MAF: variants seen among roughly 807,000 people sequenced by gnomAD.
MAF encodes transcription factor Maf.
MAF carries 10 observed loss-of-function variants against 22.0 expected under a neutral mutation model. The ratio of observed to expected loss-of-function variants is 0.45; its 90% CI spans 0.28 to 0.77. MAF has a LOEUF of 0.77. Among genes scored for constraint, MAF ranks in the 30% least tolerant of loss-of-function variants. The pLI is 0.12. For missense variants in MAF, 544 were observed against 548.4 expected (o/e 0.99, Z 0.08); for synonymous variants, 337 against 255.8 (o/e 1.32, Z -3.03).
At chr16:79,566,473 G>A in the MAF span, among the ~76,000 whole-genome samples, 3 of 152,204 alleles carry the variant, frequency 2.0e-5, no homozygotes, top group African/African-American at 7.2e-5. Context: ...CTTCTGGGAA[G>A]GAAGGGCCCA....
the MAF span, among the ~76,000 whole-genome samples, chr16:79,387,251 T>C: frequency 2.6e-5 from 4 of 152,338 alleles, no homozygotes; most frequent in Admixed American, 6.5e-5. Context: ...CATTTGCATT[T>C]GGTTGTTTAT....
chr16:79,268,190 G>A, the MAF span, among the ~76,000 whole-genome samples: 1 of 152,058 alleles, frequency 6.6e-6, no homozygotes, highest in African/African-American at 2.4e-5. Flanking sequence ...GAGCTTCCCA[G>A]CCCTGGGGTT....
chr16:79,568,577 T>C, the MAF span, among the ~76,000 whole-genome samples: 2 of 152,194 alleles, frequency 1.3e-5, no homozygotes, highest in African/African-American at 4.8e-5. Context: ...GGTTTTTTAG[T>C]GGCCACATGC....
chr16:79,469,201 C>G, the MAF span, among the ~76,000 whole-genome samples: 1 of 152,170 alleles, frequency 6.6e-6, no homozygotes, highest in South Asian at 2.1e-4. Context: ...CATGACCGTT[C>G]ATTTACATTG....
chr16:79,540,407 G>A, the MAF span, among the ~76,000 whole-genome samples: 3 of 152,164 alleles, frequency 2.0e-5, no homozygotes, highest in South Asian at 2.1e-4. Context: ...TGATTCCAAC[G>A]CTTCAACCAC....
chr16:79,268,756 A>G, the MAF span, among the ~76,000 whole-genome samples: 4 of 152,216 alleles, frequency 2.6e-5, no homozygotes, highest in Admixed American at 6.5e-5. Context: ...AGAGGACCCC[A>G]ATCCTGAGAA....
At chr16:79,542,378 G>A in the MAF span, among the ~76,000 whole-genome samples, 11 of 152,164 alleles carry the variant, frequency 7.2e-5, no homozygotes, top group African/African-American at 2.4e-4. Flanking sequence ...CACGTGGTGA[G>A]TAAGTGCCTG....
At chr16:79,214,269 C>G in the MAF span, among the ~76,000 whole-genome samples, 3 of 152,188 alleles carry the variant, frequency 2.0e-5, no homozygotes, top group African/African-American at 4.8e-5. Context: ...TTCTTCACAA[C>G]TTGGCCACAG....
the MAF span, among the ~76,000 whole-genome samples, chr16:79,221,614 G>A: frequency 1.3e-5 from 2 of 152,162 alleles, no homozygotes; most frequent in African/African-American, 4.8e-5. Context: ...TCAAATTCTA[G>A]CAGTTAATCC....
chr16:79,237,409 A>G, the MAF span, among the ~76,000 whole-genome samples: 5 of 151,974 alleles, frequency 3.3e-5, no homozygotes, highest in Admixed American at 6.6e-5. Flanking sequence ...ATATAATTCC[A>G]CTCGGTAAAT....
At position 79,599,490 on chromosome 16, in the gene MAF, AGCT is replaced by A; in HGVS notation, c.410_412del (p.Gln137del). 1.4e-6 allele frequency: 2 copies of A among 1,434,292 alleles called. No individual in the cohort carries two copies. The highest frequency in any genetic ancestry group is 1.8e-6 in the Non-Finnish European group (2 of 1,101,388). The allele number at this position is 1,434,292 out of a possible 1,614,324, so 88.8% of individuals were successfully genotyped here. A position where few individuals can be genotyped will look rare whatever the true frequency, so the allele number is the denominator to read the frequency against. On this transcript the variant is annotated inframe_deletion, in exon 1 of 2. Transcript: ENST00000326043. ...GGCACCGGCCCCGGCCGCCGCGGCC[AGCT>A]GCTGCGCCCCGCGCGCGTAGCCATC...
the MAF span, among the ~76,000 whole-genome samples, chr16:79,494,388 A>G: frequency 2.6e-5 from 4 of 152,122 alleles, no homozygotes; most frequent in Admixed American, 1.3e-4. Flanking sequence ...CACCTCCCAG[A>G]GGCCTCTCTC....
chr16:79,393,306 G>C, the MAF span, among the ~76,000 whole-genome samples: 1 of 152,222 alleles, frequency 6.6e-6, no homozygotes, highest in Non-Finnish European at 1.5e-5. Context: ...TTCCCTTGCA[G>C]GGTGGGTCCA....
At chr16:79,381,154 A>G in the MAF span, among the ~76,000 whole-genome samples, 1 of 151,998 alleles carries the variant, frequency 6.6e-6, no homozygotes, top group Non-Finnish European at 1.5e-5. Flanking sequence ...GATAAGTAGA[A>G]ATTGTGTACG....
chr16:79,384,853 T>C, the MAF span, among the ~76,000 whole-genome samples: 1 of 152,114 alleles, frequency 6.6e-6, no homozygotes, highest in Non-Finnish European at 1.5e-5. Flanking sequence ...CCTCCAGGGG[T>C]TGACCAGTTG....
chr16:79,239,846 C>G, the MAF span, among the ~76,000 whole-genome samples: 2 of 151,860 alleles, frequency 1.3e-5, no homozygotes, highest in Non-Finnish European at 2.9e-5. Context: ...AGGGGTAAGG[C>G]GCTGGGAATG....
At chr16:79,356,978 C>T in the MAF span, among the ~76,000 whole-genome samples, 14 of 152,184 alleles carry the variant, frequency 9.2e-5, no homozygotes, top group East Asian at 3.9e-4. Flanking sequence ...AAAACTAGAC[C>T]GGGGATGGTG....
At chr16:79,247,576 C>T in the MAF span, among the ~76,000 whole-genome samples, 3 of 152,124 alleles carry the variant, frequency 2.0e-5, no homozygotes, top group Non-Finnish European at 4.4e-5. Context: ...AAACACTCTG[C>T]GCAAACATTT....
At chr16:79,232,807 G>A in the MAF span, among the ~76,000 whole-genome samples, 6 of 150,952 alleles carry the variant, frequency 4.0e-5, no homozygotes, top group Non-Finnish European at 5.9e-5. Context: ...AATAACAGCT[G>A]GAAAAGTGTT....
Sources: gnomAD v4.1 joint callset for allele counts (sites outside exome capture counted in the v4.1 genomes callset) on GRCh38, gnomAD v4.1.1 for gene constraint, MANE v1.5 for transcripts, NCBI Gene and HGNC (gene_info 2026-07-23, HGNC 2026-07-21) for gene names.